The following AKT3 variants were observed in gnomAD, a reference collection of about 807,000 sequenced individuals.
AKT3 encodes AKT serine/threonine kinase 3.
In AKT3, 15 loss-of-function variants were observed where a neutral mutation model predicts 65.3. The ratio of observed to expected loss-of-function variants is 0.23; its 90% CI spans 0.15 to 0.35. The LOEUF is 0.35. Ranked by LOEUF, AKT3 falls within the 10% of genes least tolerant of loss-of-function variation. The pLI is 1.00. For synonymous variants in AKT3, 206 were observed against 183.8 expected (o/e 1.12, Z -0.98); for missense variants, 243 against 576.5 (o/e 0.42, Z 5.92).
At chr1:243,598,321 G>A (rs1676769858) in intron 8 of AKT3, among the ~76,000 whole-genome samples, 1 of 152,026 alleles carries the variant, frequency 6.6e-6, no homozygotes, top group African/African-American at 2.4e-5. Flanking sequence ...AAAGGAAAGT[G>A]AATTATTTGC....
At chr1:243,796,781 A>T (rs1175115197) in intron 2 of AKT3, among the ~76,000 whole-genome samples, 1 of 152,152 alleles carries the variant, frequency 6.6e-6, no homozygotes, top group Non-Finnish European at 1.5e-5. Context: ...CATCCATATT[A>T]TGGAGTGTTA....
At chr1:243,576,382 C>G (rs760527907) in intron 8 of AKT3, among the ~76,000 whole-genome samples, 4 of 152,128 alleles carry the variant, frequency 2.6e-5, no homozygotes, top group Non-Finnish European at 5.9e-5. Context: ...GAAATGCTGG[C>G]CAGGGCAATC....
At chr1:243,694,153 T>C (rs1197740317) in intron 3 of AKT3, among the ~76,000 whole-genome samples, 1 of 152,196 alleles carries the variant, frequency 6.6e-6, no homozygotes, top group African/African-American at 2.4e-5. Flanking sequence ...TGTACTTTTA[T>C]AAATTATTTC....
intron 3 of AKT3, among the ~76,000 whole-genome samples, chr1:243,693,243 GA>G (rs1684824763): frequency 2.2e-4 from 10 of 45,402 alleles, no homozygotes; most frequent in African/African-American, 7.7e-4. Flanking sequence ...GCTACAATTT[GA>G]TATATATATA....
At chr1:243,624,837 G>C (rs1292722217) in intron 6 of AKT3, 1 of 208,172 alleles carries the variant, frequency 4.8e-6, no homozygotes, top group African/African-American at 2.3e-5. Flanking sequence ...CATCTGTAGT[G>C]GTTTCATCAA....
chr1:243,520,832 TC>T (rs1490802632), intron 12 of AKT3, among the ~76,000 whole-genome samples: 1 of 152,216 alleles, frequency 6.6e-6, no homozygotes, highest in Non-Finnish European at 1.5e-5. Flanking sequence ...CTCCCTAAAT[TC>T]TTTCCACACT....
intron 8 of AKT3, 117 bp downstream of exon 8, chr1:243,613,554 T>C: frequency 3.0e-6 from 2 of 662,544 alleles, no homozygotes; most frequent in South Asian, 3.7e-5. Flanking sequence ...TATTAAGAGC[T>C]ACATAAATTC....
At chr1:243,817,531 A>G (rs1693605026) in intron 2 of AKT3, among the ~76,000 whole-genome samples, 1 of 152,040 alleles carries the variant, frequency 6.6e-6, no homozygotes, top group Non-Finnish European at 1.5e-5. Context: ...ACTTGAGGTC[A>G]GGAGTTTGTG....
At chr1:243,689,397 C>T (rs1223848389) in intron 3 of AKT3, among the ~76,000 whole-genome samples, 11 of 151,754 alleles carry the variant, frequency 7.2e-5, no homozygotes, top group Non-Finnish European at 1.6e-4. Context: ...TTCTCTATCC[C>T]CATGTATGTC....
At chr1:243,738,196 T>C (rs756617050) in intron 2 of AKT3, among the ~76,000 whole-genome samples, 1 of 152,204 alleles carries the variant, frequency 6.6e-6, no homozygotes, top group African/African-American at 2.4e-5. Flanking sequence ...CTGGGTTCCT[T>C]TGCCAGGGTG....
intron 2 of AKT3, among the ~76,000 whole-genome samples, chr1:243,815,501 G>A (rs1693454825): frequency 1.3e-5 from 2 of 151,922 alleles, no homozygotes; most frequent in African/African-American, 4.8e-5. Context: ...GGCTCTACAT[G>A]CTTTCACTAA....
chr1:243,795,770 C>T (rs1241506739), intron 2 of AKT3, among the ~76,000 whole-genome samples: 2 of 152,092 alleles, frequency 1.3e-5, no homozygotes, highest in Non-Finnish European at 2.9e-5. Flanking sequence ...CGCGCCCGGC[C>T]GATCTCCTTG....
intron 2 of AKT3, among the ~76,000 whole-genome samples, chr1:243,839,042 CTTA>C (rs1018274106): frequency 3.3e-5 from 5 of 152,114 alleles, no homozygotes; most frequent in African/African-American, 9.7e-5. Context: ...TATATTTTAA[CTTA>C]TTATCAAGGA....
chr1:243,791,885 A>G (rs1429058532), intron 2 of AKT3, among the ~76,000 whole-genome samples: 2 of 152,256 alleles, frequency 1.3e-5, no homozygotes, highest in African/African-American at 4.8e-5. Flanking sequence ...CTTAAAAGGA[A>G]ACAAACTTTT....
intron 8 of AKT3, among the ~76,000 whole-genome samples, chr1:243,601,905 A>G (rs1299240841): frequency 6.6e-6 from 1 of 152,122 alleles, no homozygotes; most frequent in Non-Finnish European, 1.5e-5. Flanking sequence ...CCAATTATAC[A>G]TATGTTGCTT....
At chr1:243,801,017 T>C (rs1271149048) in intron 2 of AKT3, among the ~76,000 whole-genome samples, 2 of 152,196 alleles carry the variant, frequency 1.3e-5, no homozygotes, top group East Asian at 3.8e-4. Context: ...AAGCTAAGTA[T>C]GTTGGAAAGA....
chr1:243,705,201 A>G (rs923480910), intron 2 of AKT3, among the ~76,000 whole-genome samples: 39 of 152,216 alleles, frequency 2.6e-4, no homozygotes, highest in African/African-American at 9.4e-4. Context: ...CCGAGAAGCA[A>G]TATTATGAAG....
chr1:243,690,516 C>G (rs927654738), intron 3 of AKT3, among the ~76,000 whole-genome samples: 23 of 152,152 alleles, frequency 1.5e-4, no homozygotes, highest in African/African-American at 5.1e-4. Flanking sequence ...CTTATTTTTA[C>G]TTACATTTCT....
chr1:243,704,085 C>T (rs1685641748), intron 2 of AKT3, among the ~76,000 whole-genome samples: 1 of 152,062 alleles, frequency 6.6e-6, no homozygotes, highest in Admixed American at 6.5e-5. Flanking sequence ...CATCAACCAG[C>T]TTTGGATGTG....
Sources: allele counts gnomAD v4.1 joint callset (sites outside exome capture counted in the v4.1 genomes callset), GRCh38; gene constraint gnomAD v4.1.1; transcripts MANE v1.5; gene names NCBI Gene and HGNC (gene_info 2026-07-23, HGNC 2026-07-21).